The following CCDC33 variants were observed in gnomAD, a reference collection of about 807,000 sequenced individuals.
CCDC33 encodes the protein coiled-coil domain-containing protein 33.
Under a neutral mutation model 91.9 loss-of-function variants are expected in CCDC33, and 94 were observed. The observed-to-expected ratio is 1.02, with a 90% CI of 0.87 to 1.21. The LOEUF (loss-of-function observed/expected upper bound fraction) is 1.21. Among genes scored for constraint, CCDC33 ranks in the 50% most tolerant of loss-of-function variants. CCDC33 has a pLI of 0.00. For missense variants in CCDC33, 940 were observed against 935.5 expected, an observed-to-expected ratio of 1.00 and a Z score of -0.06; for synonymous variants, 396 against 374.5, an observed-to-expected ratio of 1.06 and a Z score of -0.66.
upstream of CCDC33, among the ~76,000 whole-genome samples, chr15:74,234,074 A>G (rs1390992723): frequency 6.6e-6 from 1 of 152,172 alleles, no homozygotes; most frequent in Non-Finnish European, 1.5e-5. Flanking sequence ...AGGGCTGACT[A>G]TGAGCCACAT....
upstream of CCDC33, among the ~76,000 whole-genome samples, chr15:74,236,079 T>C (rs768053767): frequency 3.3e-4 from 50 of 152,370 alleles, no homozygotes; most frequent in Admixed American, 2.1e-3. Flanking sequence ...GTCTGCTTCC[T>C]CTTTTGCTGC....
intron 11 of CCDC33, among the ~76,000 whole-genome samples, chr15:74,324,925 A>C (rs1258914806): frequency 7.9e-6 from 1 of 126,404 alleles, no homozygotes; most frequent in Non-Finnish European, 1.7e-5. Flanking sequence ...CACCTCTACC[A>C]AAAGGCCCCA....
At chr15:74,240,138 G>A (rs1287455941) in intron 1 of CCDC33, among the ~76,000 whole-genome samples, 2 of 152,272 alleles carry the variant, frequency 1.3e-5, no homozygotes, top group Non-Finnish European at 2.9e-5. Context: ...CTCACCAGGA[G>A]GCGCCAGCCT....
At chr15:74,325,387 C>T (rs774555574) in intron 11 of CCDC33, among the ~76,000 whole-genome samples, 7 of 152,148 alleles carry the variant, frequency 4.6e-5, no homozygotes, top group Non-Finnish European at 1.0e-4. Flanking sequence ...CTCTCCCCTA[C>T]CCCGGGTAAC....
chr15:74,211,393 C>CT (rs34963230), intron 2 of CCDC33, among the ~76,000 whole-genome samples: 6,526 of 73,782 alleles, frequency 0.088, 368 homozygotes, highest in East Asian at 0.16. Context: ...CTGCCCCTGG[C>CT]TTTTTTTTTT....
At chr15:74,276,302 T>A (rs1479547562) in intron 7 of CCDC33, among the ~76,000 whole-genome samples, 1 of 152,182 alleles carries the variant, frequency 6.6e-6, no homozygotes, top group Non-Finnish European at 1.5e-5. Flanking sequence ...CTTCACCTGG[T>A]CCAGCCTGCT....
chr15:74,209,495 TAAGGGGA>T (rs2074336081), exon 2 of CCDC33: 1 of 1,494,644 alleles, frequency 6.7e-7, no homozygotes, highest in African/African-American at 1.4e-5. Context: ...TGACCACAGC[TAAGGGGA>T]GTCATCACAG....
intron 11 of CCDC33, among the ~76,000 whole-genome samples, chr15:74,317,695 A>G (rs2060117399): frequency 6.6e-6 from 1 of 152,164 alleles, no homozygotes; most frequent in Non-Finnish European, 1.5e-5. Context: ...GGAGGGCCCT[A>G]TCATGAAAGC....
intron 11 of CCDC33, among the ~76,000 whole-genome samples, chr15:74,324,321 C>T (rs2060265547): frequency 6.6e-6 from 1 of 151,918 alleles, no homozygotes; most frequent in Admixed American, 6.6e-5. Flanking sequence ...CTGAAGTATC[C>T]CGCTGTATGG....
At chr15:74,329,339 C>T (rs1443793509) in intron 11 of CCDC33, among the ~76,000 whole-genome samples, 2 of 152,086 alleles carry the variant, frequency 1.3e-5, no homozygotes, top group Non-Finnish European at 2.9e-5. Flanking sequence ...GGCTCAAGTC[C>T]CTGCAGGCCT....
intron 1 of CCDC33, chr15:74,209,025 T>G (rs867401309): frequency 5.4e-6 from 6 of 1,114,154 alleles, no homozygotes; most frequent in African/African-American, 1.7e-5. Context: ...AAAAGGTGTT[T>G]GATCTGCTCC....
intron 2 of CCDC33, among the ~76,000 whole-genome samples, chr15:74,226,440 C>G (rs928262506): frequency 3.3e-5 from 5 of 152,136 alleles, no homozygotes; most frequent in African/African-American, 1.2e-4. Context: ...TGGGAAATTG[C>G]GTGGTGCTAA....
At position 74,333,919 on chromosome 15, in the gene CCDC33, G is replaced by A; in HGVS notation, c.1977G>A (p.Leu659=). 6.2e-7 allele frequency: 1 copy of A among 1,613,760 alleles called. No homozygotes were observed. The highest frequency in any genetic ancestry group is 8.5e-7 in the Non-Finnish European group (1 of 1,179,768). The change falls in exon 17 of 19, where the codon CTG becomes CTA. Residue 659 remains leucine, a synonymous_variant. Transcript: ENST00000398814. ...LSGTSDKFNL[L]AKLEHAQSRI... ...GTACTTCAGACAAGTTCAACCTCCT[G>A]GCCAAGCTGGAACACGCTCAGAGCC...
intron 5 of CCDC33, among the ~76,000 whole-genome samples, chr15:74,269,309 C>T (rs938199012): frequency 1.3e-5 from 2 of 151,510 alleles, no homozygotes; most frequent in Non-Finnish European, 2.9e-5. Context: ...ATCCTTCCCA[C>T]CCCCCTACTT....
rs1403943875 is a variant in CCDC33, at chr15:74,330,766, G to C, written c.1545+15G>C. 4.3e-6 allele frequency: 7 copies of C among 1,610,146 alleles called. No individual in the cohort carries two copies. The South Asian group carries it at 4.4e-5, about 10-fold the overall frequency. On this transcript the variant is annotated intron_variant, in intron 13 of 18. Coordinates refer to ENST00000398814, the MANE Select transcript of CCDC33 (RefSeq NM_025055.5). Reference sequence around the variant, plus strand: ...AGCTGATTCGAGTGAGCTGGGGCTTGTGGGGGCAGAGGGGAGGGAGCTATG... The same window carrying C: ...AGCTGATTCGAGTGAGCTGGGGCTTCTGGGGGCAGAGGGGAGGGAGCTATG...
intron 2 of CCDC33, among the ~76,000 whole-genome samples, chr15:74,209,968 AT>A (rs1157953412): frequency 6.6e-6 from 1 of 152,168 alleles, no homozygotes; most frequent in East Asian, 1.9e-4. Flanking sequence ...TGTATGTGAG[AT>A]TGGCTTCCAA....
intron 11 of CCDC33, among the ~76,000 whole-genome samples, chr15:74,307,221 G>A (rs2059908357): frequency 1.3e-5 from 2 of 152,208 alleles, no homozygotes; most frequent in Non-Finnish European, 2.9e-5. Flanking sequence ...GCGACTGGGA[G>A]AAAGAGTTGC....
At position 74,268,264 on chromosome 15, in the gene CCDC33, A is replaced by C. The variant is rs957061642; in HGVS notation, c.430-78A>C. The stretch of plus-strand genomic sequence containing the variant: ...AGCAATGCCAAGTGATTGTCTGCAG[A>C]GGGCTGGATTTATGGCCAGGATCTG... On this transcript the variant is annotated intron_variant, in intron 4 of 18. Coordinates refer to ENST00000398814, the MANE Select transcript of CCDC33 (RefSeq NM_025055.5). 3 of 999,916 alleles carry C rather than the reference A, an allele frequency of 3.0e-6. No individual in the cohort carries two copies. In the African/African-American group the frequency reaches 4.7e-5, roughly 16 times the overall value. The allele number at this position is 999,916 out of a possible 1,614,324, so 61.9% of individuals were successfully genotyped here.
Position 74,333,893 on chromosome 15 carries a change from G to C in CCDC33, c.1951G>C (p.Gly651Arg). The change falls in exon 17 of 19, where the codon GGT becomes CGT. Residue 651 changes from glycine (G) to arginine (R), a missense_variant. Transcript: ENST00000398814. ...GCTTTGCCCACAGGATCTCCTCTCT[G>C]GTACTTCAGACAAGTTCAACCTCCT... is the stretch of plus-strand genomic sequence containing the variant. Reference protein sequence around the residue: ...QQQALPDLLSGTSDKFNLLAK... With the variant: ...QQQALPDLLSRTSDKFNLLAK... 1 of 1,613,238 alleles carries C rather than the reference G, an allele frequency of 6.2e-7. No individual in the cohort carries two copies. Among genetic ancestry groups the C allele is most frequent in the African/African-American group, 1.3e-5 (1 of 75,006 alleles).
Sources: allele counts gnomAD v4.1 joint callset (sites outside exome capture counted in the v4.1 genomes callset), GRCh38; gene constraint gnomAD v4.1.1; transcripts MANE v1.5; gene names NCBI Gene and HGNC (gene_info 2026-07-23, HGNC 2026-07-21).